Variants in AKT3 observed in about 807,000 individuals in gnomAD.
AKT3 encodes the protein AKT serine/threonine kinase 3.
Under a neutral mutation model 65.3 loss-of-function variants are expected in AKT3, and 15 were observed. That is an observed-to-expected ratio of 0.23 (90% CI 0.15 to 0.35). AKT3 has a LOEUF of 0.35. Ranked by LOEUF, AKT3 falls within the 10% of genes least tolerant of loss-of-function variation. The pLI, the probability that AKT3 is intolerant of heterozygous loss-of-function variation, is 1.00. For synonymous variants in AKT3, 206 were observed against 183.8 expected (o/e 1.12, Z -0.98); for missense variants, 243 against 576.5 (o/e 0.42, Z 5.92).
chr1:243,593,150 G>A (rs1676351501), intron 8 of AKT3, among the ~76,000 whole-genome samples: 2 of 152,076 alleles, frequency 1.3e-5, no homozygotes, highest in Admixed American at 6.6e-5. Flanking sequence ...CAGAAAATAC[G>A]AGAACAGTTG....
At chr1:243,744,738 CAA>C (rs932389262) in intron 2 of AKT3, among the ~76,000 whole-genome samples, 16 of 53,250 alleles carry the variant, frequency 3.0e-4, no homozygotes, top group Admixed American at 5.8e-4. Context: ...GACTCCGTCT[CAA>C]AAAAAAAAAA....
intron 6 of AKT3, among the ~76,000 whole-genome samples, chr1:243,624,255 T>A (rs1678985397): frequency 6.6e-6 from 1 of 152,168 alleles, no homozygotes; most frequent in South Asian, 2.1e-4. Flanking sequence ...ATATAGAAGT[T>A]GTCAATGGAA....
At chr1:243,550,789 C>CAAAAAAAAAAAAAAAAA (rs60834632) in intron 11 of AKT3, among the ~76,000 whole-genome samples, 1 of 33,692 alleles carries the variant, frequency 3.0e-5, no homozygotes, top group African/African-American at 1.2e-4. Context: ...ACTAAAATAC[C>CAAAAAAAAAAAAAAAAA]AAAAAAAAAA....
chr1:243,751,393 C>A (rs963501008), intron 2 of AKT3, among the ~76,000 whole-genome samples: 6 of 152,184 alleles, frequency 3.9e-5, no homozygotes, highest in Non-Finnish European at 8.8e-5. Context: ...ATCAAGAAAG[C>A]TTTAATAAGT....
At chr1:243,833,769 T>A (rs1694699371) in intron 2 of AKT3, among the ~76,000 whole-genome samples, 1 of 151,106 alleles carries the variant, frequency 6.6e-6, no homozygotes, top group Non-Finnish European at 1.5e-5. Flanking sequence ...CCTTCAAAAA[T>A]GAAGATGAGC....
intron 4 of AKT3, among the ~76,000 whole-genome samples, chr1:243,651,296 GA>G (rs1490021028): frequency 6.6e-6 from 1 of 152,172 alleles, no homozygotes; most frequent in African/African-American, 2.4e-5. Flanking sequence ...ATTTGGGGCT[GA>G]GACAACGGGG....
intron 8 of AKT3, among the ~76,000 whole-genome samples, chr1:243,580,438 G>GGC (rs1675252981): frequency 6.6e-6 from 1 of 152,182 alleles, no homozygotes; most frequent in African/African-American, 2.4e-5. Context: ...AAAAGAGCAG[G>GGC]ACAATGTTTT....
At chr1:243,570,671 A>T (rs1050928135) in intron 9 of AKT3, among the ~76,000 whole-genome samples, 1 of 152,208 alleles carries the variant, frequency 6.6e-6, no homozygotes, top group Non-Finnish European at 1.5e-5. Context: ...CTTACCTAAA[A>T]TATGTCATTG....
chr1:243,826,652 G>A (rs1216862477), intron 2 of AKT3, among the ~76,000 whole-genome samples: 1 of 152,128 alleles, frequency 6.6e-6, no homozygotes, highest in Non-Finnish European at 1.5e-5. Context: ...ACAAGCTAAC[G>A]GTGATGAACC....
At chr1:243,577,006 A>T (rs919339398) in intron 8 of AKT3, among the ~76,000 whole-genome samples, 21 of 152,258 alleles carry the variant, frequency 1.4e-4, no homozygotes, top group African/African-American at 5.1e-4. Flanking sequence ...CCAAAACAGC[A>T]TGGTACTGGT....
intron 2 of AKT3, among the ~76,000 whole-genome samples, chr1:243,699,487 AT>A (rs1171278903): frequency 3.4e-5 from 1 of 29,672 alleles, no homozygotes; most frequent in Non-Finnish European, 1.0e-4. Flanking sequence ...ATATATATAT[AT>A]ATATATATAT....
chr1:243,693,396 C>T (rs776661266), intron 3 of AKT3, among the ~76,000 whole-genome samples: 42 of 150,748 alleles, frequency 2.8e-4, no homozygotes, highest in Non-Finnish European at 5.6e-4. Context: ...AAGTAACCCT[C>T]TCTTGCACCA....
rs192205773 is a variant in AKT3 at position 243,804,513 on chromosome 1, G to A, written c.46+38612C>T. Among the ~76,000 whole-genome samples, 6 of 152,274 alleles carry A rather than the reference G, an allele frequency of 3.9e-5. No individual in the cohort carries two copies. In the East Asian group the frequency reaches 1.2e-3, roughly 29 times the overall value. On this transcript the variant is annotated intron_variant, in intron 2 of 13. Transcript: ENST00000673466. Reference sequence around the variant, plus strand: ...CTCACATAGTTATCATTTTTGTGGTGAGAACACTTAATATCCACTATATCT... The same window carrying A: ...CTCACATAGTTATCATTTTTGTGGTAAGAACACTTAATATCCACTATATCT...
At chr1:243,763,208 A>G (rs1341823749) in intron 2 of AKT3, among the ~76,000 whole-genome samples, 1 of 152,112 alleles carries the variant, frequency 6.6e-6, no homozygotes, top group Non-Finnish European at 1.5e-5. Context: ...GTTTCTCAAG[A>G]TTCTAATAAG....
intron 2 of AKT3, among the ~76,000 whole-genome samples, chr1:243,821,619 G>A (rs1364674390): frequency 6.6e-6 from 1 of 152,116 alleles, no homozygotes; most frequent in African/African-American, 2.4e-5. Context: ...GCAGTAAAAA[G>A]CAGAGGTTGC....
intron 3 of AKT3, among the ~76,000 whole-genome samples, chr1:243,670,835 C>A (rs1683107689): frequency 6.6e-6 from 1 of 152,044 alleles, no homozygotes; most frequent in African/African-American, 2.4e-5. Flanking sequence ...CCATTCTGAG[C>A]CACAGATGAC....
intron 4 of AKT3, among the ~76,000 whole-genome samples, chr1:243,656,113 TG>T (rs930966768): frequency 4.9e-5 from 2 of 40,718 alleles, no homozygotes; most frequent in Admixed American, 2.7e-4. Flanking sequence ...CGGGGGGGTG[TG>T]GGGGGGTAAT....
intron 12 of AKT3, among the ~76,000 whole-genome samples, chr1:243,541,761 C>T (rs1323748339): frequency 6.6e-6 from 1 of 152,068 alleles, no homozygotes; most frequent in Non-Finnish European, 1.5e-5. Context: ...TGAAGTAAAA[C>T]TTTATTTACA....
chr1:243,799,393 T>C (rs1269983244), intron 2 of AKT3, among the ~76,000 whole-genome samples: 1 of 152,194 alleles, frequency 6.6e-6, no homozygotes, highest in Non-Finnish European at 1.5e-5. Context: ...TACATTTAAA[T>C]TCTGAGAACT....
Sources: allele counts gnomAD v4.1 joint callset (sites outside exome capture counted in the v4.1 genomes callset), GRCh38; gene constraint gnomAD v4.1.1; transcripts MANE v1.5; gene names NCBI Gene and HGNC (gene_info 2026-07-23, HGNC 2026-07-21).